The following LRRC56 variants were observed in gnomAD, a reference collection of about 807,000 sequenced individuals.
LRRC56 encodes the protein leucine-rich repeat-containing protein 56.
LRRC56 carries 41 observed loss-of-function variants against 47.8 expected under a neutral mutation model. The ratio of observed to expected loss-of-function variants is 0.86; its 90% CI spans 0.67 to 1.11. LRRC56 has a LOEUF of 1.11. LRRC56 is among the 50% of genes most tolerant of loss of function. The pLI is 0.00. For missense variants in LRRC56, 759 were observed against 704.2 expected, an observed-to-expected ratio of 1.08 and a Z score of -0.88; for synonymous variants, 387 against 311.2, an observed-to-expected ratio of 1.24 and a Z score of -2.56.
At chr11:526,129 A>C in the LRRC56 span, among the ~76,000 whole-genome samples, 4 of 151,612 alleles carry the variant, frequency 2.6e-5, no homozygotes. Context: ...ATCGCTTGAA[A>C]CTGTGAGGCG....
chr11:532,882 G>A, upstream of LRRC56: 2 of 912,928 alleles, frequency 2.2e-6, no homozygotes, highest in Non-Finnish European at 3.5e-6. Context: ...ACTTCCCCAG[G>A]CCCACCACAC....
At chr11:520,297 G>A in the LRRC56 span, among the ~76,000 whole-genome samples, 2 of 150,346 alleles carry the variant, frequency 1.3e-5, 1 homozygote, top group Admixed American at 1.3e-4. Flanking sequence ...ATTAGAACGC[G>A]GCCTGATACA....
chr11:517,665 T>C, the LRRC56 span, among the ~76,000 whole-genome samples: 6 of 151,964 alleles, frequency 3.9e-5, no homozygotes, highest in African/African-American at 1.5e-4. Context: ...ACCCAACAGC[T>C]CCAAAGAGAC....
chr11:553,992 G>A lies in LRRC56; in HGVS notation c.1345G>A (p.Val449Ile), dbSNP rs1852603522. The A allele has an allele frequency of 3.1e-6, 5 of 1,612,114 alleles. No homozygotes were observed. Among genetic ancestry groups the A allele is most frequent in the African/African-American group, 1.3e-5 (1 of 74,888 alleles). The change falls in exon 14 of 14, where the codon GTC becomes ATC. Residue 449 changes from valine (V) to isoleucine (I), a missense_variant. Transcript: ENST00000270115. The part of the protein sequence containing the change: ...EPSGTSSQHL[V>I]PSPPKHPRPR... Reference sequence around the variant, plus strand: ...CTCCGGGACCTCGAGCCAGCACCTGGTCCCTTCACCTCCCAAGCACCCAAG... The same window carrying A: ...CTCCGGGACCTCGAGCCAGCACCTGATCCCTTCACCTCCCAAGCACCCAAG...
At chr11:514,213 C>G in the LRRC56 span, among the ~76,000 whole-genome samples, 1 of 151,750 alleles carries the variant, frequency 6.6e-6, no homozygotes, top group South Asian at 2.1e-4. Context: ...AGGCTGGTCT[C>G]GAACTCCTGG....
intron 5 of LRRC56, among the ~76,000 whole-genome samples, chr11:543,081 G>A (rs958532157): frequency 2.6e-5 from 4 of 151,814 alleles, no homozygotes; most frequent in East Asian, 1.9e-4. Context: ...TAGTAGAGAC[G>A]GGGTTTCACC....
Position 554,893 on chromosome 11 carries a change from T to C in LRRC56, c.*617T>C. The C allele has an allele frequency of 1.0e-6, 1 of 956,664 alleles. No individual in the cohort carries two copies. The highest frequency in any genetic ancestry group is 1.8e-5 in the South Asian group (1 of 54,666). The allele number at this position is 956,664 out of a possible 1,614,324, so 59.3% of individuals were successfully genotyped here. ...GGTTTACTTTGTAGGCCACGTTGGT[T>C]CAATAAATGATGCAGCGGACACAGC... On this transcript the variant is annotated 3_prime_UTR_variant, in exon 14 of 14. Coordinates refer to ENST00000270115, the MANE Select transcript of LRRC56 (RefSeq NM_198075.4).
In LRRC56 at chr11:554,372, G is replaced by A. The variant is rs533147993; in HGVS notation, c.*96G>A. ...GAATACCTGGGCGGGTGTGTTGGGG[G>A]GTGGAAGGAGTGCCTGGCCCTGGGG... On this transcript the variant is annotated 3_prime_UTR_variant, in exon 14 of 14. Transcript: ENST00000270115. 3.5e-6 allele frequency: 4 copies of A among 1,144,778 alleles called. No homozygotes were observed. Among genetic ancestry groups the A allele is most frequent in the South Asian group, 4.1e-5 (2 of 48,386 alleles). The allele number at this position is 1,144,778 out of a possible 1,614,324, so 70.9% of individuals were successfully genotyped here.
upstream of LRRC56, chr11:535,415 C>A (rs1461998823): frequency 6.8e-6 from 1 of 147,094 alleles, no homozygotes; most frequent in African/African-American, 2.4e-5. Context: ...CCCGCACTCA[C>A]CGTTCACAGG....
At chr11:508,174 A>G in the LRRC56 span, among the ~76,000 whole-genome samples, 5 of 152,280 alleles carry the variant, frequency 3.3e-5, no homozygotes, top group African/African-American at 1.2e-4. Flanking sequence ...TTTATTAGGT[A>G]TTTGTTTTCG....
At chr11:544,217 A>G (rs1012394761) in intron 5 of LRRC56, among the ~76,000 whole-genome samples, 3 of 152,180 alleles carry the variant, frequency 2.0e-5, no homozygotes, top group African/African-American at 4.8e-5. Context: ...GGGACTGTGC[A>G]TGACGGTCTG....
At chr11:527,659 G>A in the LRRC56 span, among the ~76,000 whole-genome samples, 1 of 150,984 alleles carries the variant, frequency 6.6e-6, no homozygotes, top group Non-Finnish European at 1.5e-5. Context: ...AGCCTCCCGA[G>A]TAGCTGGGAT....
At chr11:531,872 G>GC in the LRRC56 span, among the ~76,000 whole-genome samples, 1 of 152,234 alleles carries the variant, frequency 6.6e-6, no homozygotes, top group African/African-American at 2.4e-5. Context: ...CACGCTGGGA[G>GC]CAAGTCAGGA....
chr11:530,403 T>C, the LRRC56 span, among the ~76,000 whole-genome samples: 1 of 152,086 alleles, frequency 6.6e-6, no homozygotes, highest in African/African-American at 2.4e-5. Flanking sequence ...ACTCGGAGGC[T>C]GCTGGGGAGA....
chr11:534,334 G>A (rs376064281), upstream of LRRC56: 2 of 1,606,400 alleles, frequency 1.2e-6, no homozygotes, highest in Admixed American at 3.3e-5. Flanking sequence ...GCTCCTCAGG[G>A]GCCTGCGGCC....
At chr11:540,907 G>A (rs368843707) in intron 4 of LRRC56, 46 bp downstream of exon 4, 1 of 1,431,410 alleles carries the variant, frequency 7.0e-7, no homozygotes, top group Non-Finnish European at 9.4e-7. Flanking sequence ...CCTCCGTGGG[G>A]TGACATCCCA....
At chr11:545,881 C>G (rs1242422326) in intron 6 of LRRC56, among the ~76,000 whole-genome samples, 1 of 152,212 alleles carries the variant, frequency 6.6e-6, no homozygotes, top group Non-Finnish European at 1.5e-5. Flanking sequence ...AGGGCCACAT[C>G]TAGTTATTTC....
upstream of LRRC56, chr11:533,154 T>C (rs1400300505): frequency 1.6e-5 from 14 of 891,230 alleles, no homozygotes; most frequent in Non-Finnish European, 2.2e-5. Flanking sequence ...CCGGCCTGGC[T>C]CAGGGCAGCT....
chr11:518,841 C>T, the LRRC56 span, among the ~76,000 whole-genome samples: 4 of 151,944 alleles, frequency 2.6e-5, no homozygotes, highest in South Asian at 8.3e-4. Context: ...GGAGCCGCCC[C>T]GAACGCGCGA....
Sources: allele counts gnomAD v4.1 joint callset (sites outside exome capture counted in the v4.1 genomes callset), GRCh38; gene constraint gnomAD v4.1.1; transcripts MANE v1.5; gene names NCBI Gene and HGNC (gene_info 2026-07-23, HGNC 2026-07-21).